Variants in MDFI observed in about 807,000 individuals in gnomAD.
MDFI encodes inhibitor of MyoD family a.
In MDFI, 16 loss-of-function variants were observed where a neutral mutation model predicts 22.3. That is an observed-to-expected ratio of 0.72 (90% CI 0.49 to 1.09). MDFI has a LOEUF of 1.09. MDFI is among the 50% of genes least tolerant of loss of function. The probability of loss-of-function intolerance (pLI) is 0.00; values close to 1 mark genes in which losing one functional copy is unlikely to be tolerated. For missense variants in MDFI, 314 were observed against 326.1 expected (o/e 0.96, Z 0.29); for synonymous variants, 145 against 142.7 (o/e 1.02, Z -0.12).
intron 4 of MDFI, among the ~76,000 whole-genome samples, chr6:41,651,630 A>C (rs150345458): frequency 3.9e-5 from 6 of 152,300 alleles, no homozygotes; most frequent in African/African-American, 1.4e-4. Flanking sequence ...TTTACGTTTG[A>C]AGATAACTAC....
At chr6:41,639,791 C>T (rs1269434538) in intron 2 of MDFI, 1 of 985,326 alleles carries the variant, frequency 1.0e-6, no homozygotes, top group African/African-American at 1.7e-5. Context: ...GTTCCTGAAC[C>T]TCTGACACGA....
At chr6:41,640,656 G>C (rs1767820189) in intron 2 of MDFI, among the ~76,000 whole-genome samples, 3 of 152,328 alleles carry the variant, frequency 2.0e-5, no homozygotes, top group Admixed American at 2.0e-4. Flanking sequence ...GAACAGCAAG[G>C]CCACAGCGCT....
At position 41,649,761 on chromosome 6, in the gene MDFI, ATC is replaced by A; in HGVS notation, c.407_408del (p.Leu136ArgfsTer9). On this transcript the variant is annotated frameshift_variant, in exon 4 of 5. Coordinates refer to ENST00000230321, the MANE Select transcript of MDFI (RefSeq NM_005586.4). LOFTEE classifies it high-confidence loss of function. The part of the protein sequence containing the change: ...KAHRKLQTHP[S>X]LASQGSKKSK... ...CCCACCGGAAGTTGCAGACACACCC[ATC>A]TCTCGCCAGCCAGGGCAGCAAGAAG... 6.2e-7 allele frequency: 1 copy of A among 1,614,044 alleles called. No homozygotes were observed. The highest frequency in any genetic ancestry group is 8.5e-7 in the Non-Finnish European group (1 of 1,180,006).
rs1768177970 is a variant in MDFI, at chr6:41,649,532, GAA to G, written c.260-86_260-85del. 3 of 1,253,154 alleles carry G rather than the reference GAA, an allele frequency of 2.4e-6. No individual in the cohort carries two copies. The African/African-American group carries it at 4.5e-5, about 19-fold the overall frequency. 77.6% of individuals were successfully genotyped at this position (1,253,154 alleles called of 1,614,324 possible). ...GCTGGGTGCTTTGGGGTATATGTAA[GAA>G]TGCAGCAGGCAGGATTCGAGCATAG... On this transcript the variant is annotated intron_variant, in intron 3 of 4. Coordinates refer to ENST00000230321, the MANE Select transcript of MDFI (RefSeq NM_005586.4).
At position 41,653,703 on chromosome 6, in the gene MDFI, A is replaced by T; in HGVS notation, c.*128A>T. ...CCCTCTCCCTGGTCCTCTCCTACCCACCCATGTCCTCTCAGAACCCCAGCC... is the reference window on the plus strand; with the variant it reads ...CCCTCTCCCTGGTCCTCTCCTACCCTCCCATGTCCTCTCAGAACCCCAGCC... On this transcript the variant is annotated 3_prime_UTR_variant, in exon 5 of 5. Coordinates refer to ENST00000230321, the MANE Select transcript of MDFI (RefSeq NM_005586.4). This position sits in a 1 kb window ranked among gnomAD's most constrained non-coding sequence, Gnocchi z 4.2. The T allele has an allele frequency of 8.3e-7, 1 of 1,201,540 alleles. No homozygotes were observed. Among genetic ancestry groups the T allele is most frequent in the Non-Finnish European group, 1.2e-6 (1 of 867,278 alleles). The allele number at this position is 1,201,540 out of a possible 1,614,324, so 74.4% of individuals were successfully genotyped here. A position where few individuals can be genotyped will look rare whatever the true frequency, so the allele number is the denominator to read the frequency against.
upstream of MDFI, among the ~76,000 whole-genome samples, chr6:41,637,616 C>T (rs918789854): frequency 6.6e-6 from 1 of 152,068 alleles, no homozygotes; most frequent in Non-Finnish European, 1.5e-5. The surrounding 1 kb of genome is among the most constrained non-coding windows in gnomAD (Gnocchi z 6.8). Flanking sequence ...GCGCTGAGGG[C>T]CCCTGAACCC....
chr6:41,646,950 C>T (rs1030873982), intron 3 of MDFI, among the ~76,000 whole-genome samples: 1 of 152,206 alleles, frequency 6.6e-6, no homozygotes, highest in Non-Finnish European at 1.5e-5. Context: ...CTGCGAAGCC[C>T]ATTTTAGAGA....
Position 41,649,816 on chromosome 6 carries a change from T to C in MDFI, c.457T>C (p.Ser153Pro), listed in dbSNP as rs1460559129. 1.2e-6 allele frequency: 2 copies of C among 1,613,524 alleles called. No individual in the cohort carries two copies. Among genetic ancestry groups the C allele is most frequent in the Admixed American group, 3.3e-5 (2 of 59,938 alleles). The change falls in exon 4 of 5, where the codon TCC becomes CCC. Residue 153 changes from serine (S) to proline (P), a missense_variant. Coordinates refer to ENST00000230321, the MANE Select transcript of MDFI (RefSeq NM_005586.4). ...TAAGAGCAGCAGCAAATCCACCACC[T>C]CCCAGATCCCCCTCCAGGCACAGGA... ...KSKSSSKSTT[S>P]QIPLQAQEDC...
upstream of MDFI, chr6:41,637,417 G>A (rs942776725): frequency 6.6e-6 from 1 of 152,186 alleles, no homozygotes; most frequent in East Asian, 1.9e-4. The surrounding 1 kb of genome is among the most constrained non-coding windows in gnomAD (Gnocchi z 6.8). Flanking sequence ...GCCTTCCAGT[G>A]TGCTCACTGG....
In MDFI at chr6:41,645,431, C is replaced by T. The variant is rs986516324; in HGVS notation, c.77-695C>T. ...TTCACCTCTTCCCCAGTGCTCCGGC[C>T]GGCTCCTTGTCCTCCTCCTGACTGT... On this transcript the variant is annotated intron_variant, in intron 2 of 4. Coordinates refer to ENST00000230321, the MANE Select transcript of MDFI (RefSeq NM_005586.4). 7.9e-5 allele frequency among the ~76,000 whole-genome samples: 12 copies of T among 152,078 alleles called. No individual in the cohort carries two copies. In the East Asian group the frequency reaches 1.5e-3, roughly 20 times the overall value.
chr6:41,643,001 G>A (rs1767906528), intron 2 of MDFI, among the ~76,000 whole-genome samples: 1 of 152,130 alleles, frequency 6.6e-6, no homozygotes, highest in Non-Finnish European at 1.5e-5. Flanking sequence ...AGGGGGAGCA[G>A]GGCAGGGAGC....
At chr6:41,639,955 C>G (rs1368444114) in intron 2 of MDFI, 1 of 980,556 alleles carries the variant, frequency 1.0e-6, no homozygotes, top group Non-Finnish European at 1.2e-6. Flanking sequence ...GGGGGGTCCT[C>G]TAAACCAGAG....
At chr6:41,644,141 C>T (rs1239089588) in intron 2 of MDFI, among the ~76,000 whole-genome samples, 2 of 152,162 alleles carry the variant, frequency 1.3e-5, no homozygotes, top group East Asian at 1.9e-4. Context: ...CTAGCACCAG[C>T]GTCTCCACTT....
intron 2 of MDFI, among the ~76,000 whole-genome samples, chr6:41,643,911 T>C (rs1767954376): frequency 6.6e-6 from 1 of 152,198 alleles, no homozygotes; most frequent in Non-Finnish European, 1.5e-5. Flanking sequence ...CACTCAGGTC[T>C]TTCTGTCTCA....
intron 2 of MDFI, among the ~76,000 whole-genome samples, chr6:41,642,300 C>T (rs906330272): frequency 1.4e-4 from 21 of 152,182 alleles, no homozygotes; most frequent in Admixed American, 5.2e-4. Context: ...TTCTGCAGTA[C>T]ATGAATTGCA....
chr6:41,653,581 T>A lies in MDFI; in HGVS notation c.*6T>A, dbSNP rs116296557. 3,420 of 1,599,308 alleles carry A rather than the reference T, an allele frequency of 2.1e-3. 44 individuals carry two copies. The African/African-American group carries it at 0.034, about 16-fold the overall frequency. ...GGCTCTGCTTCTCCTCCTGAGCCTC[T>A]GTCGGGGGCTAAGCCAGCCTGGCGC... On this transcript the variant is annotated 3_prime_UTR_variant, in exon 5 of 5. Transcript: ENST00000230321. This position sits in a 1 kb window ranked among gnomAD's most constrained non-coding sequence, Gnocchi z 4.2.
Position 41,653,570 on chromosome 6 carries a change from T to C in MDFI, c.736T>C (p.Ser246Pro). The change falls in exon 5 of 5, where the codon TCC (serine) becomes CCC (proline). Residue 246 changes from serine to proline, a missense_variant. Transcript: ENST00000230321. This position sits in a 1 kb window ranked among gnomAD's most constrained non-coding sequence, Gnocchi z 4.2. ...GGAGTGCTGTGGGCTCTGCTTCTCC[T>C]CCTGAGCCTCTGTCGGGGGCTAAGC... ...CMECCGLCFS[S>P] 6.2e-7 allele frequency: 1 copy of C among 1,600,032 alleles called. No homozygotes were observed.
At chr6:41,648,099 T>C (rs575515243) in intron 3 of MDFI, among the ~76,000 whole-genome samples, 1 of 149,666 alleles carries the variant, frequency 6.7e-6, no homozygotes, top group African/African-American at 2.4e-5. Flanking sequence ...TCTAGCACTG[T>C]GCCTGGTACA....
At chr6:41,642,031 C>T (rs1354269020) in intron 2 of MDFI, among the ~76,000 whole-genome samples, 3 of 152,098 alleles carry the variant, frequency 2.0e-5, no homozygotes, top group Non-Finnish European at 2.9e-5. Context: ...AGAATCTTAC[C>T]CCATGTTAGG....
Sources: allele counts gnomAD v4.1 joint callset (sites outside exome capture counted in the v4.1 genomes callset), GRCh38; gene constraint gnomAD v4.1.1; non-coding constraint Gnocchi (gnomAD v3.1); transcripts MANE v1.5; gene names NCBI Gene and HGNC (gene_info 2026-07-23, HGNC 2026-07-21).